Variants in FAT3 observed in about 807,000 individuals in gnomAD.
FAT3 encodes FAT atypical cadherin 3.
FAT3 carries 95 observed loss-of-function variants against 310.2 expected under a neutral mutation model. The observed-to-expected ratio is 0.31, with a 90% CI of 0.26 to 0.36. The LOEUF (loss-of-function observed/expected upper bound fraction) is 0.36. Among genes scored for constraint, FAT3 ranks in the 10% least tolerant of loss-of-function variants. The pLI is 1.00. For missense variants in FAT3, 5,408 were observed against 5,715.6 expected (o/e 0.95, Z 1.74); for synonymous variants, 2,314 against 2,192.9 (o/e 1.06, Z -1.54).
At chr11:92,385,560 G>A (rs1949597686) in intron 2 of FAT3, among the ~76,000 whole-genome samples, 1 of 151,866 alleles carries the variant, frequency 6.6e-6, no homozygotes, top group African/African-American at 2.4e-5. Flanking sequence ...AAGAGATGGA[G>A]TTTTGCCATG....
At chr11:92,371,296 T>C (rs564274703) in intron 2 of FAT3, among the ~76,000 whole-genome samples, 22 of 152,348 alleles carry the variant, frequency 1.4e-4, no homozygotes, top group African/African-American at 5.3e-4. Context: ...TTTAAATTTC[T>C]TGTCCAAGGT....
At chr11:92,264,790 G>C (rs1945886612) in intron 1 of FAT3, among the ~76,000 whole-genome samples, 1 of 152,100 alleles carries the variant, frequency 6.6e-6, no homozygotes, top group Non-Finnish European at 1.5e-5. Flanking sequence ...GGCCGTACCT[G>C]GGCTTCACTG....
intron 2 of FAT3, among the ~76,000 whole-genome samples, chr11:92,491,733 C>G (rs1333524251): frequency 1.3e-5 from 2 of 152,028 alleles, no homozygotes; most frequent in African/African-American, 4.8e-5. Flanking sequence ...CGTTTTGTTC[C>G]TGAGGATAAT....
chr11:92,572,576 C>CA (rs1485381517), intron 3 of FAT3, among the ~76,000 whole-genome samples: 1 of 152,138 alleles, frequency 6.6e-6, no homozygotes, highest in Non-Finnish European at 1.5e-5. Flanking sequence ...TCGCATGTAG[C>CA]AATGCATTAT....
intron 2 of FAT3, among the ~76,000 whole-genome samples, chr11:92,371,074 G>A (rs547882890): frequency 8.1e-4 from 123 of 152,282 alleles, no homozygotes; most frequent in Non-Finnish European, 1.4e-3. Flanking sequence ...TAGAAATTGC[G>A]AAGTGGAGAT....
At chr11:92,246,014 G>A (rs1461191124) in intron 1 of FAT3, among the ~76,000 whole-genome samples, 1 of 152,096 alleles carries the variant, frequency 6.6e-6, no homozygotes, top group East Asian at 1.9e-4. Context: ...GATTAAGGAT[G>A]AGGAAGTGGA....
At chr11:92,841,527 A>G (rs979231669) in intron 18 of FAT3, among the ~76,000 whole-genome samples, 1 of 152,196 alleles carries the variant, frequency 6.6e-6, no homozygotes, top group Non-Finnish European at 1.5e-5. Flanking sequence ...AACCTTCTAA[A>G]TTAATGACTG....
At chr11:92,646,082 C>T (rs1200172347) in intron 3 of FAT3, among the ~76,000 whole-genome samples, 2 of 152,138 alleles carry the variant, frequency 1.3e-5, no homozygotes, top group Non-Finnish European at 2.9e-5. Flanking sequence ...ACATTTCATT[C>T]GATTTCAAGA....
At chr11:92,665,201 T>G (rs896257981) in intron 3 of FAT3, among the ~76,000 whole-genome samples, 2 of 152,210 alleles carry the variant, frequency 1.3e-5, no homozygotes, top group South Asian at 4.1e-4. Flanking sequence ...CTCCCACAAA[T>G]GCACGTTGGC....
At chr11:92,545,462 C>T (rs947164276) in intron 3 of FAT3, among the ~76,000 whole-genome samples, 2 of 152,034 alleles carry the variant, frequency 1.3e-5, no homozygotes, top group African/African-American at 2.4e-5. Context: ...TAGGTATTTA[C>T]TAAATATTTG....
At chr11:92,685,801 T>G (rs1261709596) in intron 3 of FAT3, among the ~76,000 whole-genome samples, 1 of 152,022 alleles carries the variant, frequency 6.6e-6, no homozygotes, top group Non-Finnish European at 1.5e-5. Flanking sequence ...GAAAAAAACA[T>G]GTAAACAGAA....
intron 25 of FAT3, among the ~76,000 whole-genome samples, chr11:92,888,865 G>A (rs1419251054): frequency 6.6e-6 from 1 of 152,188 alleles, no homozygotes; most frequent in East Asian, 1.9e-4. Flanking sequence ...GCAAGAGCTT[G>A]ATGAGCCACT....
chr11:92,609,805 A>T (rs1172576560), intron 3 of FAT3, among the ~76,000 whole-genome samples: 1 of 152,190 alleles, frequency 6.6e-6, no homozygotes, highest in African/African-American at 2.4e-5. Context: ...GTCTACAAAT[A>T]GGCTTGGAAG....
chr11:92,826,146 C>A (rs1422646583), intron 13 of FAT3, among the ~76,000 whole-genome samples: 1 of 152,130 alleles, frequency 6.6e-6, no homozygotes, highest in Non-Finnish European at 1.5e-5. Context: ...TAGCCTGTGT[C>A]TCCTGCAAGA....
intron 1 of FAT3, chr11:92,336,319 C>G (rs1591127459): frequency 4.5e-6 from 2 of 441,980 alleles, no homozygotes; most frequent in East Asian, 1.1e-4. Flanking sequence ...TCCTCAGGAT[C>G]TGGGTCCTCC....
chr11:92,319,451 A>G (rs556299646), intron 1 of FAT3, among the ~76,000 whole-genome samples: 1 of 152,316 alleles, frequency 6.6e-6, no homozygotes, highest in South Asian at 2.1e-4. Context: ...GGCAACAATA[A>G]ACCATTGTTT....
chr11:92,323,013 A>G (rs1362851069), intron 1 of FAT3, among the ~76,000 whole-genome samples: 1 of 152,146 alleles, frequency 6.6e-6, no homozygotes, highest in Non-Finnish European at 1.5e-5. Context: ...TACCAGATTC[A>G]TCAGAGGAAT....
intron 4 of FAT3, among the ~76,000 whole-genome samples, chr11:92,758,238 A>C (rs964808633): frequency 6.6e-6 from 1 of 152,192 alleles, no homozygotes; most frequent in Admixed American, 6.5e-5. Flanking sequence ...ACAGTCTAGA[A>C]GGATTGAATG....
intron 3 of FAT3, among the ~76,000 whole-genome samples, chr11:92,600,800 G>C (rs1228350174): frequency 2.0e-5 from 3 of 152,170 alleles, no homozygotes; most frequent in African/African-American, 2.4e-5. Flanking sequence ...AAGAATGATA[G>C]AGACTAGTTG....
Sources: gnomAD v4.1 joint callset for allele counts (sites outside exome capture counted in the v4.1 genomes callset) on GRCh38, gnomAD v4.1.1 for gene constraint, MANE v1.5 for transcripts, NCBI Gene and HGNC (gene_info 2026-07-23, HGNC 2026-07-21) for gene names.